Variants in CHAMP1 observed in about 807,000 individuals in gnomAD.
CHAMP1 encodes chromosome alignment-maintaining phosphoprotein 1.
CHAMP1 carries 4 observed loss-of-function variants against 54.5 expected under a neutral mutation model. That is an observed-to-expected ratio of 0.07 (90% CI 0.04 to 0.17). The LOEUF is 0.17. Ranked by LOEUF, CHAMP1 falls within the 10% of genes least tolerant of loss-of-function variation. The pLI is 1.00. For missense variants in CHAMP1, 994 were observed against 968.6 expected (o/e 1.03, Z -0.35); for synonymous variants, 368 against 342.2 (o/e 1.08, Z -0.83).
intron 2 of CHAMP1, chr13:114,322,536 T>C (rs1258696742): frequency 6.6e-6 from 1 of 152,192 alleles, no homozygotes; most frequent in Non-Finnish European, 1.5e-5. Context: ...ATTAGGAATT[T>C]ATAGGAAATT....
chr13:114,314,527 A>G lies in CHAMP1; in HGVS notation c.-295A>G, dbSNP rs920302723. 6 of 151,700 alleles carry G rather than the reference A, an allele frequency of 4.0e-5. No homozygotes were observed. Among genetic ancestry groups the G allele is most frequent in the African/African-American group, 1.2e-4 (5 of 41,342 alleles). 9.4% of individuals were successfully genotyped at this position (151,700 alleles called of 1,614,324 possible). ...CGCGCACCCGGATCCCGGCTCCTGC[A>G]TCCAGTCGCCATTCGGGAGGCCGCT... On this transcript the variant is annotated 5_prime_UTR_variant, in exon 1 of 3. Coordinates refer to ENST00000361283, the MANE Select transcript of CHAMP1 (RefSeq NM_032436.4).
In CHAMP1 at chr13:114,324,892, A is replaced by T. The variant is rs535540441; in HGVS notation, c.1050A>T (p.Pro350=). Reference sequence around the variant, plus strand: ...CTGTGTCTCCTGGACCTTGGAAACCAATTCCTTCTGTATCTCCTGGACCTT... The same window carrying T: ...CTGTGTCTCCTGGACCTTGGAAACCTATTCCTTCTGTATCTCCTGGACCTT... ...APSVSPGPWK[P]IPSVSPGPWK... is the part of the protein sequence containing the mutation. Residue 350 remains proline, a synonymous_variant, in exon 3 of 3, where the codon CCA becomes CCT. Coordinates refer to ENST00000361283, the MANE Select transcript of CHAMP1 (RefSeq NM_032436.4). 1 of 1,613,856 alleles carries T rather than the reference A, an allele frequency of 6.2e-7. No homozygotes were observed.
rs782620299 is a variant in CHAMP1 at position 114,323,916 on chromosome 13, A to G, written c.74A>G (p.Asp25Gly). 3 of 1,614,198 alleles carry G rather than the reference A, an allele frequency of 1.9e-6. No homozygotes were observed. Among genetic ancestry groups the G allele is most frequent in the Middle Eastern group, 1.6e-4 (1 of 6,062 alleles). ...ECDHCSFRGT[D>G]YENVQIHMGT... Reference sequence around the variant, plus strand: ...GACCATTGCAGTTTCAGAGGCACAGACTATGAAAATGTACAAATCCATATG... The same window carrying G: ...GACCATTGCAGTTTCAGAGGCACAGGCTATGAAAATGTACAAATCCATATG... The change falls in exon 3 of 3, where the codon GAC (aspartate) becomes GGC (glycine). Residue 25 changes from aspartate (D) to glycine (G), a missense_variant. Coordinates refer to ENST00000361283, the MANE Select transcript of CHAMP1 (RefSeq NM_032436.4).
In CHAMP1 at chr13:114,325,515, C is replaced by T. The variant is rs782648580; in HGVS notation, c.1673C>T (p.Ala558Val). Residue 558 changes from alanine (A) to valine (V), a missense_variant, in exon 3 of 3, where the codon GCC becomes GTC. Around this residue, in one of 3 missense-constraint regions of CHAMP1, gnomAD observed 851 missense variants for 701.3 expected, o/e 1.21. Transcript: ENST00000361283. ...RALFPEPRKH[A>V]LFPELPKSAL... is the part of the protein sequence containing the mutation. ...CTTTTTCCAGAGCCCCGGAAGCATG[C>T]CCTTTTCCCTGAACTCCCCAAATCT... 1.1e-5 allele frequency: 18 copies of T among 1,614,164 alleles called. No individual in the cohort carries two copies. Among genetic ancestry groups the T allele is most frequent in the Non-Finnish European group, 1.5e-5 (18 of 1,180,040 alleles).
chr13:114,322,254 G>C (rs1555379186), intron 2 of CHAMP1: 1 of 152,026 alleles, frequency 6.6e-6, no homozygotes, highest in Admixed American at 6.6e-5. Flanking sequence ...TGGCCATGAT[G>C]GTCTTGATCT....
chr13:114,315,801 T>C (rs2087090111), intron 1 of CHAMP1, among the ~76,000 whole-genome samples: 1 of 152,156 alleles, frequency 6.6e-6, no homozygotes, highest in Admixed American at 6.5e-5. Flanking sequence ...ACTAACTAAA[T>C]TGTGCTTTTA....
chr13:114,326,132 T>C lies in CHAMP1; in HGVS notation c.2290T>C (p.Leu764=). The part of the protein sequence containing the change: ...KNHVAAHGQS[L]LKCPRCNFES... ...TCATGTAGCAGCCCATGGGCAAAGT[T>C]TACTTAAATGTCCACGTTGTAATTT... Residue 764 remains leucine (L), a synonymous_variant, in exon 3 of 3, where the codon TTA becomes CTA. Coordinates refer to ENST00000361283, the MANE Select transcript of CHAMP1 (RefSeq NM_032436.4). 5 of 1,613,498 alleles carry C rather than the reference T, an allele frequency of 3.1e-6. No homozygotes were observed. The highest frequency in any genetic ancestry group is 4.2e-6 in the Non-Finnish European group (5 of 1,179,640).
In CHAMP1 at chr13:114,325,616, T is replaced by C. The variant is rs2087239158; in HGVS notation, c.1774T>C (p.Cys592Arg). Residue 592 changes from cysteine (C) to arginine (R), a missense_variant, in exon 3 of 3, where the codon TGT (cysteine) becomes CGT (arginine). This residue lies in a region of CHAMP1 where 851 missense variants were observed against 701.3 expected (regional missense o/e 1.21). Transcript: ENST00000361283. The stretch of plus-strand genomic sequence containing the variant: ...AATAGATGCCATAGATGATCAAAAA[T>C]GTGATATTTTGGTTCAGGAAGAACT... ...LQIDAIDDQK[C>R]DILVQEELLA... 5.0e-6 allele frequency: 8 copies of C among 1,614,182 alleles called. No homozygotes were observed. Among genetic ancestry groups the C allele is most frequent in the Non-Finnish European group, 6.8e-6 (8 of 1,180,034 alleles).
chr13:114,324,149 A>G lies in CHAMP1; in HGVS notation c.307A>G (p.Thr103Ala). The G allele has an allele frequency of 6.2e-7, 1 of 1,614,208 alleles. No homozygotes were observed. The highest frequency in any genetic ancestry group is 8.5e-7 in the Non-Finnish European group (1 of 1,180,038). The change falls in exon 3 of 3, where the codon ACA becomes GCA. Residue 103 changes from threonine (T) to alanine (A), a missense_variant. Thr to Ala is a moderately conservative substitution (Grantham distance 58). Around this residue, in one of 3 missense-constraint regions of CHAMP1, gnomAD observed 851 missense variants for 701.3 expected, o/e 1.21. Transcript: ENST00000361283. ...ACCAAAAAATCAGTTGAACAAAGAA[A>G]CAGATCCTGTGAAAAGCCCTCCTCT... ...DKPKNQLNKE[T>A]DPVKSPPLPE...
At position 114,326,502 on chromosome 13, in the gene CHAMP1, G is replaced by A. The variant is rs528670891; in HGVS notation, c.*221G>A. On this transcript the variant is annotated 3_prime_UTR_variant, in exon 3 of 3. Coordinates refer to ENST00000361283, the MANE Select transcript of CHAMP1 (RefSeq NM_032436.4). Reference sequence around the variant, plus strand: ...CAATAAATTTCTGTATAGTCCAGATGGATTAAACTTCTCATTTCTTTTAAA... The same window carrying A: ...CAATAAATTTCTGTATAGTCCAGATAGATTAAACTTCTCATTTCTTTTAAA... 1.8e-4 allele frequency: 75 copies of A among 424,620 alleles called. No individual in the cohort carries two copies. In the Admixed American group the frequency reaches 2.4e-3, roughly 13 times the overall value. The allele number at this position is 424,620 out of a possible 1,614,324, so 26.3% of individuals were successfully genotyped here. A position where few individuals can be genotyped will look rare whatever the true frequency, so the allele number is the denominator to read the frequency against.
At chr13:114,320,520 A>C (rs543652844) in intron 1 of CHAMP1, among the ~76,000 whole-genome samples, 17 of 152,222 alleles carry the variant, frequency 1.1e-4, no homozygotes, top group Non-Finnish European at 2.2e-4. Flanking sequence ...AGTGCTTATC[A>C]GAGAAGTGAA....
At chr13:114,316,418 C>T (rs1467335789) in intron 1 of CHAMP1, among the ~76,000 whole-genome samples, 1 of 151,788 alleles carries the variant, frequency 6.6e-6, no homozygotes, top group Non-Finnish European at 1.5e-5. Flanking sequence ...CCACCTTGGC[C>T]TCCCAAAGTG....
At chr13:114,318,939 C>G (rs2087136647) in intron 1 of CHAMP1, among the ~76,000 whole-genome samples, 2 of 127,316 alleles carry the variant, frequency 1.6e-5, no homozygotes, top group Non-Finnish European at 3.1e-5. Flanking sequence ...CTGCCCAGAG[C>G]TGGGGACAGT....
Position 114,324,864 on chromosome 13 carries a change from C to T in CHAMP1, c.1022C>T (p.Pro341Leu), listed in dbSNP as rs782365949. Residue 341 changes from proline (P) to leucine (L), a missense_variant, in exon 3 of 3, where the codon CCA (proline) becomes CTA (leucine). By Grantham distance (98) the Pro-to-Leu change is moderately conservative (BLOSUM62 -3). Coordinates refer to ENST00000361283, the MANE Select transcript of CHAMP1 (RefSeq NM_032436.4). ...SGPWKPAKPA[P>L]SVSPGPWKPI... ...CCTTGGAAGCCAGCTAAACCTGCTC[C>T]ATCTGTGTCTCCTGGACCTTGGAAA... The T allele has an allele frequency of 1.3e-5, 21 of 1,614,216 alleles. No homozygotes were observed. The highest frequency in any genetic ancestry group is 5.0e-5 in the Admixed American group (3 of 60,024).
intron 1 of CHAMP1, 117 bp downstream of exon 1, chr13:114,314,760 G>T (rs888551744): frequency 6.6e-6 from 1 of 152,122 alleles, no homozygotes; most frequent in African/African-American, 2.4e-5. Flanking sequence ...GAGTGAAGGG[G>T]GCCTGCGCTG....
In CHAMP1 at chr13:114,325,760, G is replaced by A. The variant is rs1035968149; in HGVS notation, c.1918G>A (p.Asp640Asn). ...ELSSSEYIKT[D>N]LDAMDIKGQE... ...TAGTAGTAGTGAGTACATAAAAACA[G>A]ATTTGGATGCGATGGATATTAAGGG... is the stretch of plus-strand genomic sequence containing the variant. Residue 640 changes from aspartate to asparagine, a missense_variant, in exon 3 of 3, where the codon GAT (aspartate) becomes AAT (asparagine). Transcript: ENST00000361283. The A allele has an allele frequency of 2.5e-6, 4 of 1,614,028 alleles. No homozygotes were observed. Among genetic ancestry groups the A allele is most frequent in the African/African-American group, 2.7e-5 (2 of 74,918 alleles).
Position 114,326,355 on chromosome 13 carries a change from G to T in CHAMP1, c.*74G>T, listed in dbSNP as rs956885076. 7.2e-5 allele frequency: 106 copies of T among 1,470,024 alleles called. No homozygotes were observed. The highest frequency in any genetic ancestry group is 9.2e-5 in the Non-Finnish European group (101 of 1,102,924). The allele number at this position is 1,470,024 out of a possible 1,614,324, so 91.1% of individuals were successfully genotyped here. ...CTTTGTAAGTATAGCTTATCAGATA[G>T]CATAGTTGGATCAGTAGATGACATG... On this transcript the variant is annotated 3_prime_UTR_variant, in exon 3 of 3. Coordinates refer to ENST00000361283, the MANE Select transcript of CHAMP1 (RefSeq NM_032436.4).
intron 1 of CHAMP1, among the ~76,000 whole-genome samples, chr13:114,315,525 T>G (rs2087086111): frequency 6.6e-6 from 1 of 152,226 alleles, no homozygotes. Flanking sequence ...TTGTTCATCT[T>G]TAGAAAGGAA....
chr13:114,324,656 C>T lies in CHAMP1; in HGVS notation c.814C>T (p.Arg272Trp), dbSNP rs143280916. 3.6e-4 allele frequency: 586 copies of T among 1,614,058 alleles called. No homozygotes were observed. Among genetic ancestry groups the T allele is most frequent in the Non-Finnish European group, 4.6e-4 (539 of 1,180,008 alleles). Residue 272 changes from arginine (R) to tryptophan (W), a missense_variant, in exon 3 of 3, where the codon CGG becomes TGG. By Grantham distance (101) the Arg-to-Trp change is moderately radical (BLOSUM62 -3). This residue lies in a region of CHAMP1 where 851 missense variants were observed against 701.3 expected (regional missense o/e 1.21). Transcript: ENST00000361283. ...AASPESRKSA[R>W]TTSPEPRKPS... ...ATCTCCAGAATCTCGGAAGTCAGCCCGGACTACCTCCCCTGAGCCAAGGAA... is the reference window on the plus strand; with the variant it reads ...ATCTCCAGAATCTCGGAAGTCAGCCTGGACTACCTCCCCTGAGCCAAGGAA...
Sources: allele counts gnomAD v4.1 joint callset (sites outside exome capture counted in the v4.1 genomes callset), GRCh38; gene constraint gnomAD v4.1.1; regional missense constraint gnomAD v4.1.1; transcripts MANE v1.5; gene names NCBI Gene and HGNC (gene_info 2026-07-23, HGNC 2026-07-21).